XKR4: variants seen among roughly 807,000 people sequenced by gnomAD.
The protein encoded by XKR4 is XK related 4, also known as XK-related protein 4.
A neutral mutation model predicts 53.9 loss-of-function variants in XKR4; 12 were observed. The ratio of observed to expected loss-of-function variants is 0.22; its 90% CI spans 0.14 to 0.36. The LOEUF (loss-of-function observed/expected upper bound fraction) is 0.36, where lower values mean the gene tolerates loss of function less well. XKR4 is among the 10% of genes least tolerant of loss of function. The pLI is 1.00. For missense variants in XKR4, 799 were observed against 859.5 expected, an observed-to-expected ratio of 0.93 and a Z score of 0.88; for synonymous variants, 354 against 362.4, an observed-to-expected ratio of 0.98 and a Z score of 0.26.
At chr8:55,519,079 C>T (rs959757122) in intron 2 of XKR4, among the ~76,000 whole-genome samples, 3 of 152,196 alleles carry the variant, frequency 2.0e-5, no homozygotes, top group Non-Finnish European at 2.9e-5. Context: ...GGACAATTTT[C>T]ACCCAAGATA....
chr8:55,289,203 G>A (rs1272101515), intron 1 of XKR4, among the ~76,000 whole-genome samples: 1 of 152,096 alleles, frequency 6.6e-6, no homozygotes, highest in Non-Finnish European at 1.5e-5. Flanking sequence ...TTAAATGGAA[G>A]TTGCAGGTTT....
intron 2 of XKR4, among the ~76,000 whole-genome samples, chr8:55,437,592 A>G (rs980883975): frequency 1.3e-5 from 2 of 152,218 alleles, no homozygotes; most frequent in Non-Finnish European, 2.9e-5. Flanking sequence ...TGTGAATGAT[A>G]TAAGGAGACG....
At chr8:55,454,338 C>A in intron 2 of XKR4, 1 of 1,504,890 alleles carries the variant, frequency 6.6e-7, no homozygotes, top group Non-Finnish European at 9.2e-7. Flanking sequence ...GTGCTGAGGG[C>A]CTCCAGCAGC....
intron 1 of XKR4, among the ~76,000 whole-genome samples, chr8:55,276,818 A>AT (rs894337390): frequency 1.5e-4 from 23 of 152,146 alleles, no homozygotes; most frequent in East Asian, 7.7e-4. Context: ...GGGCAATTTC[A>AT]TTTTTTTTGC....
At chr8:55,174,060 A>T (rs560868563) in intron 1 of XKR4, among the ~76,000 whole-genome samples, 2 of 147,642 alleles carry the variant, frequency 1.4e-5, no homozygotes, top group African/African-American at 2.7e-5. Flanking sequence ...TCATTGTTCT[A>T]ATAAGGAACA....
chr8:55,423,853 C>T (rs962460823), intron 2 of XKR4, among the ~76,000 whole-genome samples: 5 of 152,192 alleles, frequency 3.3e-5, no homozygotes, highest in Non-Finnish European at 5.9e-5. Context: ...GTCAAACTCA[C>T]AGGTTCTGTC....
At chr8:55,124,210 C>A (rs547137944) in intron 1 of XKR4, among the ~76,000 whole-genome samples, 8 of 152,344 alleles carry the variant, frequency 5.3e-5, no homozygotes, top group Middle Eastern at 3.4e-3. Context: ...GCTGCTCACT[C>A]TCCATGTGGT....
At chr8:55,398,438 A>G (rs1253490961) in intron 2 of XKR4, among the ~76,000 whole-genome samples, 1 of 152,226 alleles carries the variant, frequency 6.6e-6, no homozygotes, top group Non-Finnish European at 1.5e-5. Context: ...ACAGCAGTCT[A>G]AAATAGCATG....
intron 1 of XKR4, among the ~76,000 whole-genome samples, chr8:55,329,831 G>T (rs1803357594): frequency 6.6e-6 from 1 of 152,112 alleles, no homozygotes; most frequent in African/African-American, 2.4e-5. Flanking sequence ...ACTACCAAAA[G>T]CACAATCACC....
chr8:55,439,881 C>T (rs766479830), intron 2 of XKR4, among the ~76,000 whole-genome samples: 2 of 152,102 alleles, frequency 1.3e-5, no homozygotes, highest in African/African-American at 4.8e-5. Context: ...TTAATCTTAA[C>T]AAGAATAAAT....
At chr8:55,454,376 A>T in intron 2 of XKR4, 4 of 1,494,790 alleles carry the variant, frequency 2.7e-6, no homozygotes, top group Non-Finnish European at 3.7e-6. Context: ...CACATAGGTG[A>T]AGCTGTATCT....
At chr8:55,176,711 C>T (rs1034664854) in intron 1 of XKR4, among the ~76,000 whole-genome samples, 2 of 151,990 alleles carry the variant, frequency 1.3e-5, no homozygotes, top group African/African-American at 4.8e-5. Context: ...CATGGTACAC[C>T]TTGGTATACT....
intron 1 of XKR4, among the ~76,000 whole-genome samples, chr8:55,140,624 A>G (rs1021145076): frequency 1.3e-5 from 2 of 152,164 alleles, no homozygotes; most frequent in African/African-American, 4.8e-5. Context: ...TTCATATTGG[A>G]ATGGACATAA....
intron 2 of XKR4, among the ~76,000 whole-genome samples, chr8:55,459,439 A>G (rs1270305854): frequency 6.6e-6 from 1 of 152,150 alleles, no homozygotes; most frequent in East Asian, 1.9e-4. Context: ...TGAACTTCAT[A>G]AAAATTTTAA....
intron 2 of XKR4, chr8:55,451,934 G>T: frequency 1.3e-6 from 1 of 774,780 alleles, no homozygotes; most frequent in South Asian, 1.5e-5. Context: ...TCAGAGGGCG[G>T]CTGGCTCCAG....
chr8:55,328,986 G>T (rs571670817), intron 1 of XKR4, among the ~76,000 whole-genome samples: 1 of 152,090 alleles, frequency 6.6e-6, no homozygotes, highest in African/African-American at 2.4e-5. Context: ...CTGGCACAAG[G>T]GTCCCTGATT....
At chr8:55,119,127 C>G (rs1816353096) in intron 1 of XKR4, among the ~76,000 whole-genome samples, 1 of 152,202 alleles carries the variant, frequency 6.6e-6, no homozygotes, top group Non-Finnish European at 1.5e-5. Flanking sequence ...TCTGAGCACG[C>G]ACACGTTATT....
chr8:55,537,191 A>C lies in XKR4; in HGVS notation c.*12964A>C, dbSNP rs1384956133. ...CCAACTGGTTACCACAAACATGGGA[A>C]TATTTAGTGATATCTTTGTAGTCAT... On this transcript the variant is annotated 3_prime_UTR_variant, in exon 3 of 3. Transcript: ENST00000327381. The C allele has an allele frequency of 6.6e-6, 1 of 152,256 alleles. No individual in the cohort carries two copies. Among genetic ancestry groups the C allele is most frequent in the East Asian group, 1.9e-4 (1 of 5,198 alleles). The allele number at this position is 152,256 out of a possible 1,614,324, so 9.4% of individuals were successfully genotyped here.
chr8:55,159,091 T>G (rs1296566183), intron 1 of XKR4, among the ~76,000 whole-genome samples: 4 of 152,200 alleles, frequency 2.6e-5, no homozygotes, highest in African/African-American at 9.7e-5. Flanking sequence ...TAAACAAGAT[T>G]GATTCATTCT....
Sources: gnomAD v4.1 joint callset for allele counts (sites outside exome capture counted in the v4.1 genomes callset) on GRCh38, gnomAD v4.1.1 for gene constraint, MANE v1.5 for transcripts, NCBI Gene and HGNC (gene_info 2026-07-23, HGNC 2026-07-21) for gene names.